CA8: variants seen among roughly 807,000 people sequenced by gnomAD.
The protein encoded by CA8 is carbonic anhydrase-related protein.
In CA8, 22 loss-of-function variants were observed where a neutral mutation model predicts 41.4. The ratio of observed to expected loss-of-function variants is 0.53; its 90% CI spans 0.38 to 0.76. CA8 has a LOEUF of 0.76. CA8 is among the 30% of genes least tolerant of loss of function. The probability of loss-of-function intolerance (pLI) is 0.00; values close to 1 mark genes in which losing one functional copy is unlikely to be tolerated. For synonymous variants in CA8, 121 were observed against 130.6 expected (o/e 0.93, Z 0.50); for missense variants, 270 against 352.8 (o/e 0.77, Z 1.88).
chr8:60,232,682 T>C, intron 3 of CA8: 1 of 412,786 alleles, frequency 2.4e-6, no homozygotes, highest in Non-Finnish European at 4.6e-6. Flanking sequence ...TCCTTGGATG[T>C]CATCCTTTTG....
chr8:60,280,971 C>T, intron 1 of CA8, 77 bp downstream of exon 1: 1 of 1,046,058 alleles, frequency 9.6e-7, no homozygotes, highest in East Asian at 2.4e-5. Context: ...GCAGCGGCAG[C>T]AGGACTCGAG....
intron 3 of CA8, among the ~76,000 whole-genome samples, chr8:60,261,024 A>G (rs955945498): frequency 1.3e-5 from 2 of 152,152 alleles, no homozygotes; most frequent in Non-Finnish European, 2.9e-5. Flanking sequence ...GCAATCTTAA[A>G]GACCATTCAC....
At chr8:60,266,351 C>T (rs1803902063) in intron 2 of CA8, among the ~76,000 whole-genome samples, 1 of 152,162 alleles carries the variant, frequency 6.6e-6, no homozygotes, top group Non-Finnish European at 1.5e-5. Flanking sequence ...AAACAAATTC[C>T]TCCCTTAGAG....
rs149357061 is a variant in CA8, at chr8:60,246,565, T to C, written c.418-14186A>G. Among the ~76,000 whole-genome samples the C allele has an allele frequency of 3.8e-3, 571 of 152,258 alleles. 6 individuals are homozygous for C. Among genetic ancestry groups the C allele is most frequent in the African/African-American group, 0.013 (548 of 41,548 alleles). ...CACCTGCTTTGGCCTCCCAAAATGC[T>C]GGGATTGCAGATGTGAGCCACTGTG... On this transcript the variant is annotated intron_variant, in intron 3 of 8. Transcript: ENST00000317995.
In CA8 at chr8:60,244,405, C is replaced by T. The variant is rs980738802; in HGVS notation, c.418-12026G>A. Among the ~76,000 whole-genome samples, 5 of 152,266 alleles carry T rather than the reference C, an allele frequency of 3.3e-5. No homozygotes were observed. In the South Asian group the frequency reaches 6.2e-4, roughly 19 times the overall value. On this transcript the variant is annotated intron_variant, in intron 3 of 8. Transcript: ENST00000317995. ...GAGGTACAGTCCAACCTCCTTCACA[C>T]GCAATGCATTCACTAAATGAATATA...
At chr8:60,208,973 A>G in intron 7 of CA8, 54 bp from the exon 8 acceptor site, 1 of 1,574,092 alleles carries the variant, frequency 6.4e-7, no homozygotes, top group South Asian at 1.1e-5. Flanking sequence ...CATTAACAAG[A>G]TTGGAGTTTC....
intron 8 of CA8, among the ~76,000 whole-genome samples, chr8:60,199,280 G>T (rs1220643920): frequency 6.6e-6 from 1 of 152,064 alleles, no homozygotes. Flanking sequence ...GACAACAAAG[G>T]TTTATTGCTT....
chr8:60,272,108 C>T (rs1380428850), intron 2 of CA8, among the ~76,000 whole-genome samples: 3 of 152,156 alleles, frequency 2.0e-5, no homozygotes, highest in Admixed American at 1.3e-4. Flanking sequence ...AGAATAGTGA[C>T]AGGATCTGAA....
At chr8:60,237,501 G>A (rs1440186639) in intron 3 of CA8, among the ~76,000 whole-genome samples, 3 of 152,184 alleles carry the variant, frequency 2.0e-5, no homozygotes, top group Non-Finnish European at 2.9e-5. Flanking sequence ...AGAAGTAGAC[G>A]GGTCACTGCA....
chr8:60,279,435 A>C (rs995678409), intron 2 of CA8, among the ~76,000 whole-genome samples: 2 of 152,238 alleles, frequency 1.3e-5, no homozygotes, highest in East Asian at 3.8e-4. Context: ...TAAGGTGATC[A>C]AACTAAGGTT....
At chr8:60,226,010 T>C (rs1220205261) in intron 5 of CA8, among the ~76,000 whole-genome samples, 1 of 152,250 alleles carries the variant, frequency 6.6e-6, no homozygotes, top group Non-Finnish European at 1.5e-5. Context: ...TTCCTAGCAA[T>C]GCTAGGCCAT....
At chr8:60,213,203 T>G (rs922769399) in intron 7 of CA8, among the ~76,000 whole-genome samples, 1 of 152,212 alleles carries the variant, frequency 6.6e-6, no homozygotes, top group Non-Finnish European at 1.5e-5. Flanking sequence ...TCTTTTCAAT[T>G]TTTTTGAGGA....
At chr8:60,201,507 G>A (rs1399901861) in intron 8 of CA8, among the ~76,000 whole-genome samples, 1 of 152,104 alleles carries the variant, frequency 6.6e-6, no homozygotes, top group African/African-American at 2.4e-5. Flanking sequence ...AAATAAGAAC[G>A]TGGCAAGAAG....
rs375055176 is a variant in CA8 at position 60,231,909 on chromosome 8, T to G, written c.513+375A>C. On this transcript the variant is annotated intron_variant, in intron 4 of 8. Transcript: ENST00000317995. ...TGTTAATAAAGAAGGGCTAAAGTAA[T>G]CTACTACATACTTCTATTATTGTTA... Among the ~76,000 whole-genome samples, 12 of 152,312 alleles carry G rather than the reference T, an allele frequency of 7.9e-5. 2 individuals are homozygous for G. The South Asian group carries it at 2.5e-3, about 32-fold the overall frequency.
intron 8 of CA8, among the ~76,000 whole-genome samples, chr8:60,192,958 C>CACAT (rs1806174122): frequency 6.6e-6 from 1 of 151,524 alleles, no homozygotes; most frequent in Non-Finnish European, 1.5e-5. Flanking sequence ...CACACACACA[C>CACAT]ACACACACAC....
At position 60,186,901 on chromosome 8, in the gene CA8, C is replaced by T. The variant is rs988711433; in HGVS notation, c.*3120G>A. ...TCAACAACAGTCAGAGAATTCAATA[C>T]ACTACTTTCATAATAGACAGAAATA... On this transcript the variant is annotated 3_prime_UTR_variant, in exon 9 of 9. Coordinates refer to ENST00000317995, the MANE Select transcript of CA8 (RefSeq NM_004056.6). Among the ~76,000 whole-genome samples, 4 of 151,956 alleles carry T rather than the reference C, an allele frequency of 2.6e-5. No homozygotes were observed. Among genetic ancestry groups the T allele is most frequent in the Non-Finnish European group, 5.9e-5 (4 of 67,890 alleles).
intron 3 of CA8, among the ~76,000 whole-genome samples, chr8:60,238,584 G>C (rs771350910): frequency 2.6e-5 from 4 of 152,082 alleles, no homozygotes; most frequent in African/African-American, 9.7e-5. Context: ...GGACCCCCGT[G>C]CCTTTATCTC....
chr8:60,267,495 A>G (rs1015317269), intron 2 of CA8, among the ~76,000 whole-genome samples: 2 of 152,214 alleles, frequency 1.3e-5, no homozygotes, highest in Non-Finnish European at 2.9e-5. Context: ...TTTAGATTTT[A>G]GTGTTTGTCC....
At chr8:60,200,264 G>C (rs62509958) in intron 8 of CA8, among the ~76,000 whole-genome samples, 8,519 of 152,264 alleles carry the variant, frequency 0.056, 258 homozygotes, top group South Asian at 0.1. Context: ...ATAAATTTCT[G>C]TTGCTTAGAT....
Sources: allele counts gnomAD v4.1 joint callset (sites outside exome capture counted in the v4.1 genomes callset), GRCh38; gene constraint gnomAD v4.1.1; transcripts MANE v1.5; gene names NCBI Gene and HGNC (gene_info 2026-07-23, HGNC 2026-07-21).